MARCHF10: variants seen among roughly 807,000 people sequenced by gnomAD.
MARCHF10 encodes probable E3 ubiquitin-protein ligase MARCHF10.
A neutral mutation model predicts 76.2 loss-of-function variants in MARCHF10; 64 were observed. The ratio of observed to expected loss-of-function variants is 0.84; its 90% CI spans 0.69 to 1.03. The LOEUF is 1.03. Ranked by LOEUF, MARCHF10 falls within the 50% of genes least tolerant of loss-of-function variation. MARCHF10 has a pLI of 0.00. For synonymous variants in MARCHF10, 340 were observed against 357.5 expected, an observed-to-expected ratio of 0.95 and a Z score of 0.55; for missense variants, 875 against 958.0, an observed-to-expected ratio of 0.91 and a Z score of 1.14.
At chr17:62,796,015 T>A (rs2092978584) in intron 2 of MARCHF10, among the ~76,000 whole-genome samples, 1 of 152,038 alleles carries the variant, frequency 6.6e-6, no homozygotes. Context: ...ATCCTTTTTT[T>A]TTTTTTTGAG....
At chr17:62,785,139 C>T (rs139640252) in intron 3 of MARCHF10, among the ~76,000 whole-genome samples, 8 of 152,194 alleles carry the variant, frequency 5.3e-5, no homozygotes, top group Admixed American at 2.0e-4. Flanking sequence ...CACAAGGCTA[C>T]GGTAACCAAA....
intron 5 of MARCHF10, among the ~76,000 whole-genome samples, chr17:62,740,801 AT>A (rs1311806998): frequency 1.3e-5 from 2 of 151,544 alleles, no homozygotes; most frequent in South Asian, 4.2e-4. Context: ...TCATTTTAAA[AT>A]TTTTTTCTAG....
At chr17:62,759,171 A>G (rs547489404) in intron 4 of MARCHF10, among the ~76,000 whole-genome samples, 1 of 152,324 alleles carries the variant, frequency 6.6e-6, no homozygotes, top group East Asian at 1.9e-4. Context: ...ATTCAGATGT[A>G]TTTGAAAGCT....
chr17:62,720,860 ATTTTT>A (rs56688878), intron 8 of MARCHF10, among the ~76,000 whole-genome samples: 1,257 of 88,006 alleles, frequency 0.014, 30 homozygotes, highest in African/African-American at 0.054. Flanking sequence ...GTAAGTTGTG[ATTTTT>A]TTTTTTTTTT....
chr17:62,795,457 T>C (rs1036489631), intron 2 of MARCHF10, among the ~76,000 whole-genome samples: 1 of 151,586 alleles, frequency 6.6e-6, no homozygotes, highest in African/African-American at 2.4e-5. Context: ...ATATACTAGT[T>C]ACCAGATTCT....
chr17:62,731,422 C>T (rs921119260), intron 6 of MARCHF10, among the ~76,000 whole-genome samples: 10 of 151,964 alleles, frequency 6.6e-5, no homozygotes, highest in Non-Finnish European at 1.0e-4. Flanking sequence ...GCCACCATGC[C>T]CTGCTAATTT....
intron 10 of MARCHF10, among the ~76,000 whole-genome samples, chr17:62,704,070 G>T (rs1420209712): frequency 5.3e-5 from 8 of 151,882 alleles, no homozygotes; most frequent in African/African-American, 1.9e-4. Context: ...GCGGCGCCGG[G>T]ACCCTGCTGC....
chr17:62,785,786 T>C (rs2092735223), intron 3 of MARCHF10, among the ~76,000 whole-genome samples: 1 of 152,208 alleles, frequency 6.6e-6, no homozygotes, highest in African/African-American at 2.4e-5. Flanking sequence ...ATGCTCATCA[T>C]CACTGGTCAT....
intron 3 of MARCHF10, among the ~76,000 whole-genome samples, chr17:62,771,892 C>G (rs117534168): frequency 2.0e-5 from 3 of 152,162 alleles, no homozygotes; most frequent in African/African-American, 4.8e-5. Flanking sequence ...GTCAATATCT[C>G]TCTACCTGTG....
intron 10 of MARCHF10, chr17:62,704,948 T>TG (rs2089484705): frequency 4.2e-5 from 16 of 379,112 alleles, no homozygotes; most frequent in South Asian, 1.3e-4. Flanking sequence ...CTCCAGTCGT[T>TG]TTTTTTTTTT....
chr17:62,788,926 G>A (rs1485654156), intron 2 of MARCHF10, among the ~76,000 whole-genome samples: 4 of 151,644 alleles, frequency 2.6e-5, no homozygotes, highest in East Asian at 3.9e-4. Flanking sequence ...AGCCGGGCGC[G>A]GTGGCGGGCG....
At chr17:62,785,047 A>T (rs1302172672) in intron 3 of MARCHF10, among the ~76,000 whole-genome samples, 1 of 152,234 alleles carries the variant, frequency 6.6e-6, no homozygotes, top group African/African-American at 2.4e-5. Flanking sequence ...ATGGAACCAA[A>T]AAAAGAACCC....
In MARCHF10 at chr17:62,766,481, C is replaced by A. The variant is rs1272100827; in HGVS notation, c.211-6475G>T. Among the ~76,000 whole-genome samples, 8 of 150,858 alleles carry A rather than the reference C, an allele frequency of 5.3e-5. No individual in the cohort carries two copies. The South Asian group carries it at 1.5e-3, about 28-fold the overall frequency. On this transcript the variant is annotated intron_variant, in intron 3 of 10. Coordinates refer to ENST00000311269, the MANE Select transcript of MARCHF10 (RefSeq NM_152598.4). Reference sequence around the variant, plus strand: ...CACCATTGCACTCCAGTCTGGGCAACAAGAGCGAAACTCCGTCTCAAAAAA... The same window carrying A: ...CACCATTGCACTCCAGTCTGGGCAAAAAGAGCGAAACTCCGTCTCAAAAAA...
intron 4 of MARCHF10, 46 bp downstream of exon 4, chr17:62,759,789 T>C: frequency 6.3e-7 from 1 of 1,589,200 alleles, no homozygotes; most frequent in Non-Finnish European, 8.6e-7. Context: ...TTATTTTTAA[T>C]ACCGGGATTT....
At chr17:62,757,454 T>A (rs552447321) in intron 4 of MARCHF10, among the ~76,000 whole-genome samples, 2 of 152,366 alleles carry the variant, frequency 1.3e-5, no homozygotes, top group African/African-American at 4.8e-5. Flanking sequence ...CGACTGCCAC[T>A]GAGCTCAACT....
At chr17:62,792,941 A>G (rs1476307722) in intron 2 of MARCHF10, among the ~76,000 whole-genome samples, 2 of 126,948 alleles carry the variant, frequency 1.6e-5, no homozygotes, top group Non-Finnish European at 3.3e-5. Flanking sequence ...CACCACCATC[A>G]TCTCCCTCAC....
chr17:62,742,492 G>C (rs1038882114), intron 5 of MARCHF10, among the ~76,000 whole-genome samples: 1 of 152,112 alleles, frequency 6.6e-6, no homozygotes, highest in Non-Finnish European at 1.5e-5. Flanking sequence ...GAAGCTAAAG[G>C]GAGACTTGTG....
intron 10 of MARCHF10, among the ~76,000 whole-genome samples, chr17:62,702,000 A>G (rs543905583): frequency 1.3e-5 from 2 of 152,308 alleles, no homozygotes; most frequent in East Asian, 3.9e-4. Flanking sequence ...CATCTTGGTC[A>G]TCTCCACGTC....
intron 3 of MARCHF10, among the ~76,000 whole-genome samples, chr17:62,778,682 CA>C (rs71357038): frequency 0.44 from 44,258 of 100,668 alleles, 8,026 homozygotes; most frequent in Middle Eastern, 0.63. Context: ...GACTCTGTCT[CA>C]AAAAAAAAAA....
Sources: allele counts gnomAD v4.1 joint callset (sites outside exome capture counted in the v4.1 genomes callset), GRCh38; gene constraint gnomAD v4.1.1; transcripts MANE v1.5; gene names NCBI Gene and HGNC (gene_info 2026-07-23, HGNC 2026-07-21).